The following ZC3H12B variants were observed in gnomAD, a reference collection of about 807,000 sequenced individuals.
The protein encoded by ZC3H12B is zinc finger CCCH-type containing 12B.
In ZC3H12B, 7 loss-of-function variants were observed where a neutral mutation model predicts 43.9. That is an observed-to-expected ratio of 0.16 (90% CI 0.09 to 0.30). The LOEUF (loss-of-function observed/expected upper bound fraction) is 0.30. ZC3H12B is among the 10% of genes least tolerant of loss of function. ZC3H12B has a pLI of 1.00. For missense variants in ZC3H12B, 475 were observed against 670.2 expected, an observed-to-expected ratio of 0.71 and a Z score of 3.22; for synonymous variants, 222 against 241.7, an observed-to-expected ratio of 0.92 and a Z score of 0.76.
intron 3 of ZC3H12B, among the ~76,000 whole-genome samples, chrX:65,456,677 C>T (rs186802964): frequency 0.059 from 6,331 of 107,464 alleles, 201 homozygotes; most frequent in Non-Finnish European, 0.095. Flanking sequence ...CTCCTAACCG[C>T]GAGTGATCAG....
At chrX:65,126,798 C>T in the ZC3H12B span, among the ~76,000 whole-genome samples, 11 of 106,469 alleles carry the variant, frequency 1.0e-4, no homozygotes, top group Non-Finnish European at 1.9e-4. Context: ...TGAGACTTTC[C>T]AACATATTTT....
chrX:65,190,514 A>G, the ZC3H12B span, among the ~76,000 whole-genome samples: 1 of 108,368 alleles, frequency 9.2e-6, no homozygotes, highest in Non-Finnish European at 1.9e-5. Context: ...GGTCCTTCAC[A>G]TCCCTTGTAA....
chrX:65,426,506 C>T (rs2067085743), intron 3 of ZC3H12B, among the ~76,000 whole-genome samples: 2 of 108,677 alleles, frequency 1.8e-5, no homozygotes, highest in South Asian at 8.0e-4. Flanking sequence ...TTCTTGTCTC[C>T]TGCTAGCTTT....
At chrX:65,291,598 A>T in the ZC3H12B span, among the ~76,000 whole-genome samples, 5 of 112,146 alleles carry the variant, frequency 4.5e-5, no homozygotes, top group African/African-American at 1.3e-4. Flanking sequence ...AAATATTGAG[A>T]CACATAGAAC....
chrX:65,401,295 G>A (rs2066759579), intron 3 of ZC3H12B, among the ~76,000 whole-genome samples: 1 of 111,397 alleles, frequency 9.0e-6, no homozygotes, highest in African/African-American at 3.3e-5. Context: ...CAATTGTGAG[G>A]CATTAATCTC....
At chrX:65,136,176 G>A in the ZC3H12B span, among the ~76,000 whole-genome samples, 1 of 111,173 alleles carries the variant, frequency 9.0e-6, no homozygotes. Context: ...TTTTAAACTG[G>A]CCTTCACTGA....
At chrX:65,238,150 A>C in the ZC3H12B span, among the ~76,000 whole-genome samples, 1 of 111,889 alleles carries the variant, frequency 8.9e-6, no homozygotes, top group Non-Finnish European at 1.9e-5. Flanking sequence ...GATTTTTTGG[A>C]ATAAATTCAG....
At chrX:65,276,084 C>A in the ZC3H12B span, among the ~76,000 whole-genome samples, 1 of 110,441 alleles carries the variant, frequency 9.1e-6, no homozygotes, top group Non-Finnish European at 1.9e-5. Flanking sequence ...ACAGACTAGA[C>A]CAAGCAGAAT....
the ZC3H12B span, among the ~76,000 whole-genome samples, chrX:65,312,925 A>T: frequency 7.2e-5 from 8 of 111,457 alleles, no homozygotes; most frequent in Non-Finnish European, 1.1e-4. Context: ...TCTGTGGCCC[A>T]GGCTGGAGTG....
At chrX:65,273,869 A>T in the ZC3H12B span, among the ~76,000 whole-genome samples, 1 of 112,607 alleles carries the variant, frequency 8.9e-6, no homozygotes, top group Non-Finnish European at 1.9e-5. Flanking sequence ...CAGAAATTAA[A>T]AACAGGAGTA....
chrX:65,108,044 A>G, the ZC3H12B span, among the ~76,000 whole-genome samples: 2 of 111,275 alleles, frequency 1.8e-5, no homozygotes, highest in African/African-American at 3.3e-5. Context: ...AAAATATGGT[A>G]TAAAAGATTA....
intron 3 of ZC3H12B, among the ~76,000 whole-genome samples, chrX:65,425,704 A>G (rs2067072857): frequency 8.9e-6 from 1 of 111,952 alleles, no homozygotes; most frequent in South Asian, 3.7e-4. Flanking sequence ...GCTTTTCTGC[A>G]TCTATTGAGT....
At chrX:65,364,409 C>CA (rs796078421), upstream of ZC3H12B, among the ~76,000 whole-genome samples, 704 of 55,627 alleles carry the variant, frequency 0.013, 8 homozygotes, top group East Asian at 0.073. Flanking sequence ...GCTTTACTTC[C>CA]AAAAAAAAAA....
the ZC3H12B span, among the ~76,000 whole-genome samples, chrX:65,224,838 G>A: frequency 2.7e-5 from 3 of 112,161 alleles, no homozygotes; most frequent in Non-Finnish European, 5.6e-5. Flanking sequence ...GCCCGCCATT[G>A]CCAAGGCTTG....
chrX:65,190,169 G>A, the ZC3H12B span, among the ~76,000 whole-genome samples: 2 of 110,199 alleles, frequency 1.8e-5, no homozygotes, highest in Non-Finnish European at 3.8e-5. Flanking sequence ...CTCTGTTTTG[G>A]TACCAGTACC....
chrX:65,120,486 G>A, the ZC3H12B span, among the ~76,000 whole-genome samples: 1 of 111,395 alleles, frequency 9.0e-6, no homozygotes, highest in African/African-American at 3.3e-5. Flanking sequence ...CTGATTTTTT[G>A]CATGTTGATT....
the ZC3H12B span, among the ~76,000 whole-genome samples, chrX:65,329,867 G>A: frequency 9.0e-6 from 1 of 110,806 alleles, no homozygotes; most frequent in Non-Finnish European, 1.9e-5. Context: ...GTAGATATGT[G>A]GCATTATTTC....
At chrX:65,207,686 T>G in the ZC3H12B span, among the ~76,000 whole-genome samples, 1 of 96,809 alleles carries the variant, frequency 1.0e-5, no homozygotes, top group Admixed American at 1.2e-4. Context: ...ATATGAACTT[T>G]AAAGTAGTTT....
the ZC3H12B span, among the ~76,000 whole-genome samples, chrX:65,288,990 A>T: frequency 9.0e-6 from 1 of 111,315 alleles, no homozygotes; most frequent in African/African-American, 3.3e-5. Context: ...TCCCATTTAC[A>T]ATAGCTACAA....
Sources: allele counts gnomAD v4.1 joint callset (sites outside exome capture counted in the v4.1 genomes callset), GRCh38; gene constraint gnomAD v4.1.1; transcripts MANE v1.5; gene names NCBI Gene and HGNC (gene_info 2026-07-23, HGNC 2026-07-21).